Variants in DLG2 observed in about 807,000 individuals in gnomAD.
The protein encoded by DLG2 is disks large homolog 2.
A neutral mutation model predicts 132.5 loss-of-function variants in DLG2; 45 were observed. The observed-to-expected ratio is 0.34, with a 90% CI of 0.27 to 0.44. DLG2 has a LOEUF of 0.44. Ranked by LOEUF, DLG2 falls within the 20% of genes least tolerant of loss-of-function variation. DLG2 has a pLI of 1.00. For synonymous variants in DLG2, 424 were observed against 419.6 expected (o/e 1.01, Z -0.13); for missense variants, 1,045 against 1,196.9 (o/e 0.87, Z 1.87).
chr11:83,793,976 C>T (rs371035831), intron 17 of DLG2, among the ~76,000 whole-genome samples: 3 of 152,046 alleles, frequency 2.0e-5, no homozygotes, highest in East Asian at 1.9e-4. Context: ...AGATGAACCC[C>T]GTAAAGGAAG....
chr11:83,974,609 G>A (rs906139618), intron 12 of DLG2, among the ~76,000 whole-genome samples: 5 of 148,714 alleles, frequency 3.4e-5, no homozygotes, highest in African/African-American at 5.0e-5. Flanking sequence ...TGGGATACAA[G>A]TTGCAGAATT....
intron 3 of DLG2, among the ~76,000 whole-genome samples, chr11:85,560,732 T>C (rs897745574): frequency 2.0e-5 from 3 of 151,824 alleles, no homozygotes; most frequent in Non-Finnish European, 2.9e-5. Context: ...ATATGTCTTT[T>C]TAAAAGTGCT....
chr11:84,363,281 T>C (rs2098661698), intron 7 of DLG2, among the ~76,000 whole-genome samples: 1 of 152,036 alleles, frequency 6.6e-6, no homozygotes, highest in South Asian at 2.1e-4. Flanking sequence ...GATTTTTTCA[T>C]GTGTTTTTTG....
At chr11:84,001,208 C>T (rs1165356583) in intron 11 of DLG2, among the ~76,000 whole-genome samples, 2 of 151,064 alleles carry the variant, frequency 1.3e-5, no homozygotes, top group African/African-American at 4.9e-5. Flanking sequence ...CATACTTTAC[C>T]TATAAAAACA....
intron 3 of DLG2, chr11:85,525,097 A>G (rs187460817): frequency 8.5e-5 from 13 of 152,344 alleles, no homozygotes; most frequent in African/African-American, 2.4e-4. Flanking sequence ...TACCCTTAAC[A>G]TCCATTTACA....
chr11:84,040,190 A>G (rs1411683238), intron 11 of DLG2, among the ~76,000 whole-genome samples: 1 of 150,436 alleles, frequency 6.6e-6, no homozygotes, highest in African/African-American at 2.4e-5. Context: ...CTCTGATGGT[A>G]GTTTCTTTTG....
intron 6 of DLG2, among the ~76,000 whole-genome samples, chr11:84,715,805 A>G (rs1231061902): frequency 2.6e-5 from 4 of 152,116 alleles, no homozygotes. Flanking sequence ...TTATTTGTCA[A>G]TGAACACTTA....
intron 6 of DLG2, among the ~76,000 whole-genome samples, chr11:84,688,800 A>G (rs933857721): frequency 6.6e-6 from 1 of 152,170 alleles, no homozygotes; most frequent in Non-Finnish European, 1.5e-5. Context: ...ACATCTCTAC[A>G]GTGTACTCAC....
chr11:85,456,493 T>C (rs2092426638), intron 3 of DLG2, among the ~76,000 whole-genome samples: 1 of 152,194 alleles, frequency 6.6e-6, no homozygotes. Context: ...TTTGGTTATT[T>C]CTTGTCTTCT....
rs1222486667 is a variant in DLG2 at position 84,307,695 on chromosome 11, C to CAA, written c.520-56406_520-56405dup. 2.9e-3 allele frequency among the ~76,000 whole-genome samples: 228 copies of CAA among 77,840 alleles called. 1 individual carries two copies. Among genetic ancestry groups the CAA allele is most frequent in the Non-Finnish European group, 4.6e-3 (177 of 38,338 alleles). The allele number at this position is 77,840 out of a possible 152,430, so 51.1% of individuals were successfully genotyped here. ...TGGGTGAAAGAGCGAGACGCAGTCTCAAAAAAAAAAAAAAAAAAAAAGAAG... is the reference window on the plus strand; with the variant it reads ...TGGGTGAAAGAGCGAGACGCAGTCTCAAAAAAAAAAAAAAAAAAAAAAAGAAG... On this transcript the variant is annotated intron_variant, in intron 7 of 27. Transcript: ENST00000376104.
chr11:84,892,963 G>C (rs1302488600), intron 6 of DLG2, among the ~76,000 whole-genome samples: 1 of 152,076 alleles, frequency 6.6e-6, no homozygotes, highest in Admixed American at 6.6e-5. Flanking sequence ...TCAAGTGAAG[G>C]TAAGAGACTC....
intron 2 of DLG2, chr11:85,625,326 C>A (rs1591412241): frequency 6.6e-6 from 1 of 152,170 alleles, no homozygotes; most frequent in South Asian, 2.1e-4. Context: ...TTATTGGCTA[C>A]ATTCCCAAAA....
chr11:85,280,908 A>G (rs2078181909), intron 4 of DLG2, among the ~76,000 whole-genome samples: 1 of 152,130 alleles, frequency 6.6e-6, no homozygotes, highest in South Asian at 2.1e-4. Context: ...AAAAATTTCT[A>G]TCATATTTCA....
intron 3 of DLG2, among the ~76,000 whole-genome samples, chr11:85,300,728 A>G (rs1381632964): frequency 2.0e-5 from 3 of 152,196 alleles, no homozygotes; most frequent in Admixed American, 6.5e-5. Context: ...GGGTATAATG[A>G]GAATACATGA....
At chr11:84,104,642 G>GA (rs2092777126) in intron 9 of DLG2, among the ~76,000 whole-genome samples, 1 of 151,638 alleles carries the variant, frequency 6.6e-6, no homozygotes, top group Non-Finnish European at 1.5e-5. Flanking sequence ...ATAAATATGA[G>GA]AAAAAAGTGA....
At chr11:83,757,696 G>A (rs904933279) in intron 18 of DLG2, among the ~76,000 whole-genome samples, 8 of 152,052 alleles carry the variant, frequency 5.3e-5, no homozygotes, top group African/African-American at 1.9e-4. Context: ...TGATGAAGGG[G>A]GGTTTAGGGC....
chr11:83,857,160 C>G (rs2060660389), intron 16 of DLG2, among the ~76,000 whole-genome samples: 1 of 152,090 alleles, frequency 6.6e-6, no homozygotes, highest in South Asian at 2.1e-4. Context: ...TCTGGGTTCT[C>G]TATTCTGTTC....
At chr11:84,360,675 C>G (rs887488631) in intron 7 of DLG2, among the ~76,000 whole-genome samples, 1 of 151,586 alleles carries the variant, frequency 6.6e-6, no homozygotes, top group Non-Finnish European at 1.5e-5. Flanking sequence ...AATTTGTGGT[C>G]AGAATACCAG....
chr11:84,011,492 AATT>A (rs1216987614), intron 11 of DLG2, among the ~76,000 whole-genome samples: 17 of 151,762 alleles, frequency 1.1e-4, no homozygotes, highest in East Asian at 5.8e-4. Flanking sequence ...TAAATAAATT[AATT>A]AATTAATTAA....
Sources: allele counts gnomAD v4.1 joint callset (sites outside exome capture counted in the v4.1 genomes callset), GRCh38; gene constraint gnomAD v4.1.1; transcripts MANE v1.5; gene names NCBI Gene and HGNC (gene_info 2026-07-23, HGNC 2026-07-21).